The following MYO10 variants were observed in gnomAD, a reference collection of about 807,000 sequenced individuals.
MYO10 encodes unconventional myosin-X.
Under a neutral mutation model 257.3 loss-of-function variants are expected in MYO10, and 133 were observed. That is an observed-to-expected ratio of 0.52 (90% CI 0.45 to 0.60). The LOEUF (loss-of-function observed/expected upper bound fraction) is 0.60, where lower values mean the gene tolerates loss of function less well. Among genes scored for constraint, MYO10 ranks in the 20% least tolerant of loss-of-function variants. The pLI is 0.00. For synonymous variants in MYO10, 1,104 were observed against 1,028.6 expected (o/e 1.07, Z -1.40); for missense variants, 2,399 against 2,635.7 (o/e 0.91, Z 1.97).
At chr5:16,883,213 C>T (rs928899846) in intron 1 of MYO10, among the ~76,000 whole-genome samples, 1 of 152,142 alleles carries the variant, frequency 6.6e-6, no homozygotes, top group Non-Finnish European at 1.5e-5. Flanking sequence ...CCGCGCCCGG[C>T]CATCATTTTT....
intron 36 of MYO10, 120 bp downstream of exon 36, chr5:16,673,562 C>T (rs921961982): frequency 4.0e-6 from 4 of 992,138 alleles, no homozygotes; most frequent in African/African-American, 1.6e-5. Flanking sequence ...GTATTGAGAG[C>T]TGTACTAAGC....
intron 3 of MYO10, among the ~76,000 whole-genome samples, chr5:16,796,186 CAAAAAA>C (rs796981409): frequency 0.12 from 5,989 of 48,826 alleles, 563 homozygotes; most frequent in African/African-American, 0.31. Flanking sequence ...GAGACTCTGT[CAAAAAA>C]AAAAAAAAAA....
At chr5:16,896,365 G>A (rs1481982461) in intron 1 of MYO10, among the ~76,000 whole-genome samples, 2 of 152,130 alleles carry the variant, frequency 1.3e-5, no homozygotes, top group Non-Finnish European at 2.9e-5. Context: ...GGAGGCCTAG[G>A]TGGGTGGATC....
chr5:16,676,572 G>A (rs1348991507), intron 33 of MYO10, among the ~76,000 whole-genome samples: 6 of 152,100 alleles, frequency 3.9e-5, no homozygotes, highest in South Asian at 2.1e-4. Context: ...AAAATTAGCC[G>A]GGTGTGGTGG....
At chr5:16,929,109 T>C (rs1366374619) in intron 1 of MYO10, among the ~76,000 whole-genome samples, 1 of 151,722 alleles carries the variant, frequency 6.6e-6, no homozygotes, top group East Asian at 2.0e-4. Flanking sequence ...CCCGCCACCA[T>C]GCCCGGCTCA....
intron 19 of MYO10, among the ~76,000 whole-genome samples, chr5:16,726,997 A>C (rs1739391506): frequency 6.6e-6 from 1 of 152,240 alleles, no homozygotes; most frequent in Non-Finnish European, 1.5e-5. Context: ...TAGAGAATAA[A>C]AGCTAGACAA....
At chr5:16,716,322 C>A (rs1371970673) in intron 19 of MYO10, among the ~76,000 whole-genome samples, 2 of 151,908 alleles carry the variant, frequency 1.3e-5, no homozygotes, top group Non-Finnish European at 2.9e-5. Flanking sequence ...CACTTACAGG[C>A]AATCCTTACC....
At chr5:16,850,893 C>G (rs949804068) in intron 2 of MYO10, among the ~76,000 whole-genome samples, 1 of 152,070 alleles carries the variant, frequency 6.6e-6, no homozygotes, top group Non-Finnish European at 1.5e-5. Flanking sequence ...TCTCTGCCTC[C>G]CGGGTTCAAG....
Position 16,766,161 on chromosome 5 carries a change from T to G in MYO10, c.1098A>C (p.Pro366=), listed in dbSNP as rs767482783. 8.1e-6 allele frequency: 13 copies of G among 1,613,820 alleles called. No homozygotes were observed. Among genetic ancestry groups the G allele is most frequent in the Non-Finnish European group, 1.1e-5 (13 of 1,179,864 alleles). The change falls in exon 11 of 41, where the codon CCA becomes CCC. Residue 366 remains proline (P), a synonymous_variant. Transcript: ENST00000513610. Reference sequence around the variant, plus strand: ...GGGTCAAAGCATCTGTGAGCTGTGTTGGGTCCAGCCCAAGTAACTCCGCAG... The same window carrying G: ...GGGTCAAAGCATCTGTGAGCTGTGTGGGGTCCAGCCCAAGTAACTCCGCAG... ...GRSAELLGLD[P]TQLTDALTQR...
At chr5:16,879,835 G>A (rs1371877666) in intron 1 of MYO10, among the ~76,000 whole-genome samples, 4 of 152,178 alleles carry the variant, frequency 2.6e-5, no homozygotes, top group South Asian at 2.1e-4. Flanking sequence ...AAAATCTGAC[G>A]TAAAGGTTAC....
At chr5:16,734,086 A>T (rs1202371945) in intron 19 of MYO10, among the ~76,000 whole-genome samples, 1 of 150,472 alleles carries the variant, frequency 6.6e-6, no homozygotes, top group Non-Finnish European at 1.5e-5. Context: ...GATTAAGCAC[A>T]ATGTTAAAAA....
At chr5:16,895,821 A>C (rs1745202687) in intron 1 of MYO10, among the ~76,000 whole-genome samples, 1 of 151,352 alleles carries the variant, frequency 6.6e-6, no homozygotes, top group Admixed American at 6.6e-5. Context: ...CCTGGTAAAA[A>C]GCCAAACTCC....
chr5:16,913,658 C>T (rs17614456), intron 1 of MYO10, among the ~76,000 whole-genome samples: 9,424 of 152,196 alleles, frequency 0.062, 293 homozygotes, highest in Non-Finnish European at 0.079. Context: ...ACAAAGCAAG[C>T]GTAGGTGTGC....
intron 27 of MYO10, among the ~76,000 whole-genome samples, chr5:16,692,314 G>A (rs1307728939): frequency 3.3e-5 from 5 of 152,140 alleles, no homozygotes; most frequent in Non-Finnish European, 7.3e-5. Flanking sequence ...CAGCTACTCA[G>A]GAGGCTGAGG....
rs1740968141 is a variant in MYO10 at position 16,769,058 on chromosome 5, G to A, written c.1060+16C>T. ...GGAACAAAGGGAGCGAGGAGGGCAGGCAGGCATAATCTTACCTGTTTTGAA... is the reference window on the plus strand; with the variant it reads ...GGAACAAAGGGAGCGAGGAGGGCAGACAGGCATAATCTTACCTGTTTTGAA... On this transcript the variant is annotated intron_variant, in intron 10 of 40. Coordinates refer to ENST00000513610, the MANE Select transcript of MYO10 (RefSeq NM_012334.3). 1.3e-6 allele frequency: 2 copies of A among 1,597,980 alleles called. No homozygotes were observed. Among genetic ancestry groups the A allele is most frequent in the Non-Finnish European group, 1.7e-6 (2 of 1,173,878 alleles).
chr5:16,905,856 G>A (rs1382730571), intron 1 of MYO10, among the ~76,000 whole-genome samples: 2 of 152,166 alleles, frequency 1.3e-5, no homozygotes, highest in African/African-American at 4.8e-5. Context: ...AACTTAAGGA[G>A]TTAGAGCAGC....
At chr5:16,925,371 C>T (rs1746104209) in intron 1 of MYO10, among the ~76,000 whole-genome samples, 1 of 152,188 alleles carries the variant, frequency 6.6e-6, no homozygotes, top group Non-Finnish European at 1.5e-5. Flanking sequence ...AATCCCCAAA[C>T]ATTTCACATA....
chr5:16,791,828 A>T (rs1019315727), intron 4 of MYO10, among the ~76,000 whole-genome samples: 6 of 152,224 alleles, frequency 3.9e-5, no homozygotes, highest in Non-Finnish European at 8.8e-5. Flanking sequence ...CAGAACTTTT[A>T]TGAAGTCATT....
intron 4 of MYO10, among the ~76,000 whole-genome samples, chr5:16,791,541 T>TACATACACACACACAC (rs372321592): frequency 1.2e-3 from 68 of 57,720 alleles, no homozygotes; most frequent in East Asian, 3.6e-3. Context: ...TTTTAATACA[T>TACATACACACACACAC]ACATACACAC....
Sources: gnomAD v4.1 joint callset for allele counts (sites outside exome capture counted in the v4.1 genomes callset) on GRCh38, gnomAD v4.1.1 for gene constraint, MANE v1.5 for transcripts, NCBI Gene and HGNC (gene_info 2026-07-23, HGNC 2026-07-21) for gene names.